GOSR2: variants seen among roughly 807,000 people sequenced by gnomAD.
The protein encoded by GOSR2 is golgi SNAP receptor complex member 2, also known as 27 kDa Golgi SNARE protein.
Under a neutral mutation model 27.9 loss-of-function variants are expected in GOSR2, and 20 were observed. The ratio of observed to expected loss-of-function variants is 0.72; its 90% CI spans 0.50 to 1.04. The LOEUF (loss-of-function observed/expected upper bound fraction) is 1.04, where lower values mean the gene tolerates loss of function less well. Among genes scored for constraint, GOSR2 ranks in the 50% least tolerant of loss-of-function variants. The pLI, the probability that GOSR2 is intolerant of heterozygous loss-of-function variation, is 0.00. For missense variants in GOSR2, 261 were observed against 270.5 expected, an observed-to-expected ratio of 0.97 and a Z score of 0.25; for synonymous variants, 91 against 98.8, an observed-to-expected ratio of 0.92 and a Z score of 0.47.
chr17:46,945,573 G>C (rs556154634), downstream of GOSR2, among the ~76,000 whole-genome samples: 1 of 152,166 alleles, frequency 6.6e-6, no homozygotes, highest in African/African-American at 2.4e-5. Context: ...TCTTTGCTGG[G>C]TGGTAACTCA....
At chr17:46,925,530 G>A (rs2086368748) in intron 1 of GOSR2, among the ~76,000 whole-genome samples, 1 of 152,174 alleles carries the variant, frequency 6.6e-6, no homozygotes, top group South Asian at 2.1e-4. Flanking sequence ...TTCCTCATCT[G>A]TAGAATGATA....
intron 1 of GOSR2, among the ~76,000 whole-genome samples, chr17:46,927,912 C>T (rs1225270235): frequency 1.3e-5 from 2 of 152,206 alleles, no homozygotes; most frequent in African/African-American, 4.8e-5. Flanking sequence ...TCTGTTAAAT[C>T]AGCATTGAAA....
downstream of GOSR2, among the ~76,000 whole-genome samples, chr17:46,942,502 G>A (rs571131935): frequency 3.9e-5 from 6 of 152,364 alleles, no homozygotes; most frequent in African/African-American, 1.4e-4. Flanking sequence ...CACACTTCTC[G>A]TGGGGTGCTC....
rs184284584 is a variant in GOSR2 at position 46,949,997 on chromosome 17, T to C, written c.583+11293T>C. Among the ~76,000 whole-genome samples, 37 of 152,338 alleles carry C rather than the reference T, an allele frequency of 2.4e-4. 1 individual carries two copies. Among genetic ancestry groups the C allele is most frequent in the Admixed American group, 2.2e-3 (33 of 15,306 alleles). ...GCACACAGTAGGCACTTCATAAATATTGATTGAAATTGGAGTGAGCAGTGT... is the reference window on the plus strand; with the variant it reads ...GCACACAGTAGGCACTTCATAAATACTGATTGAAATTGGAGTGAGCAGTGT... On this transcript the variant is annotated intron_variant, in intron 6 of 6. Coordinates refer to the GOSR2 transcript ENST00000573224.
At chr17:46,950,788 T>C (rs562885640) in intron 6 of GOSR2, among the ~76,000 whole-genome samples, 9 of 152,054 alleles carry the variant, frequency 5.9e-5, no homozygotes, top group Admixed American at 5.9e-4. Flanking sequence ...GCTGATGAGA[T>C]CAAAACTGTC....
rs2089003947 is a variant in GOSR2, at chr17:46,939,806, T to C, written c.*1046T>C. On this transcript the variant is annotated 3_prime_UTR_variant, in exon 6 of 6. Coordinates refer to ENST00000640051, the MANE Select transcript of GOSR2 (RefSeq NM_004287.5). ...TCTGTGACCAGCCCCGGATTCAGGC[T>C]GTACTAATACCAGGTATATTGTGGA... is the stretch of plus-strand genomic sequence containing the variant. 1 of 987,632 alleles carries C rather than the reference T, an allele frequency of 1.0e-6. No individual in the cohort carries two copies. Among genetic ancestry groups the C allele is most frequent in the South Asian group, 4.7e-5 (1 of 21,500 alleles). The allele number at this position is 987,632 out of a possible 1,614,324, so 61.2% of individuals were successfully genotyped here.
In GOSR2 at chr17:46,939,794, C is replaced by A; in HGVS notation, c.*1034C>A. On this transcript the variant is annotated 3_prime_UTR_variant, in exon 6 of 6. Coordinates refer to ENST00000640051, the MANE Select transcript of GOSR2 (RefSeq NM_004287.5). The stretch of plus-strand genomic sequence containing the variant: ...AACCTTTTTCCTTCTGTGACCAGCC[C>A]CGGATTCAGGCTGTACTAATACCAG... 1.0e-6 allele frequency: 1 copy of A among 987,392 alleles called. No individual in the cohort carries two copies. Among genetic ancestry groups the A allele is most frequent in the Non-Finnish European group, 1.2e-6 (1 of 831,154 alleles). The allele number at this position is 987,392 out of a possible 1,614,324, so 61.2% of individuals were successfully genotyped here.
At chr17:46,936,008 C>G (rs966891451) in intron 5 of GOSR2, 11 of 985,670 alleles carry the variant, frequency 1.1e-5, no homozygotes, top group Non-Finnish European at 1.3e-5. Flanking sequence ...TTGAGTCTGT[C>G]AGCTCCACAG....
At position 46,940,698 on chromosome 17, in the gene GOSR2, C is replaced by T. The variant is rs1180829314; in HGVS notation, c.*1938C>T. On this transcript the variant is annotated 3_prime_UTR_variant, in exon 6 of 6. Coordinates refer to ENST00000640051, the MANE Select transcript of GOSR2 (RefSeq NM_004287.5). ...TAGGACATCTTTTCGTGGTGTGCAC[C>T]AGTGCTTTCCACACTTGACAGTGGT... 2.5e-6 allele frequency: 4 copies of T among 1,608,282 alleles called. No homozygotes were observed. Among genetic ancestry groups the T allele is most frequent in the African/African-American group, 2.7e-5 (2 of 74,890 alleles).
chr17:46,932,352 C>T (rs1278362834), intron 4 of GOSR2, 153 bp downstream of exon 4: 2 of 819,192 alleles, frequency 2.4e-6, no homozygotes, highest in African/African-American at 3.4e-5. Context: ...TGCATTGCCA[C>T]AGAGACTAGA....
chr17:46,929,505 CT>C lies in GOSR2; in HGVS notation c.30-14del. On this transcript the variant is annotated splice_polypyrimidine_tract_variant and intron_variant, in intron 1 of 5. Coordinates refer to ENST00000640051, the MANE Select transcript of GOSR2 (RefSeq NM_004287.5). ...TACTCCTGTCTCACTCATTTCCTCC[CT>C]CTTCCTTTGATAGGCAGGTCCACGA... The C allele has an allele frequency of 6.9e-7, 1 of 1,443,200 alleles. No homozygotes were observed. Among genetic ancestry groups the C allele is most frequent in the Non-Finnish European group, 9.8e-7 (1 of 1,024,224 alleles). 89.4% of individuals were successfully genotyped at this position (1,443,200 alleles called of 1,614,324 possible).
intron 6 of GOSR2, among the ~76,000 whole-genome samples, chr17:46,949,539 T>A (rs962062073): frequency 2.6e-5 from 4 of 152,114 alleles, no homozygotes; most frequent in Non-Finnish European, 4.4e-5. Flanking sequence ...TGGGATGGAA[T>A]TGACACGGTG....
downstream of GOSR2, chr17:46,968,718 A>G (rs750267797): frequency 6.6e-6 from 1 of 152,432 alleles, no homozygotes; most frequent in African/African-American, 2.4e-5. Flanking sequence ...GCACCTCTAC[A>G]ATGGCCATGC....
At chr17:46,974,586 T>A (rs1390488669) in intron 6 of GOSR2, among the ~76,000 whole-genome samples, 2 of 151,968 alleles carry the variant, frequency 1.3e-5, no homozygotes, top group African/African-American at 2.4e-5. Flanking sequence ...TACAAAAAAT[T>A]AGCTGGGCGT....
At chr17:46,931,582 G>A (rs2087391111) in intron 3 of GOSR2, 2 of 322,776 alleles carry the variant, frequency 6.2e-6, no homozygotes, top group Non-Finnish European at 1.2e-5. Flanking sequence ...ACTTCAATCA[G>A]TCCACCCATA....
At chr17:46,975,178 C>T (rs1007062852) in intron 6 of GOSR2, 1 of 152,044 alleles carries the variant, frequency 6.6e-6, no homozygotes, top group East Asian at 1.9e-4. Context: ...CTATGGGTCC[C>T]CTATCGCTCC....
Position 46,931,114 on chromosome 17 carries a change from T to C in GOSR2, c.110T>C (p.Ile37Thr). The change falls in exon 3 of 6, where the codon ATC becomes ACC. Residue 37 changes from isoleucine (I) to threonine (T), a missense_variant. Transcript: ENST00000640051. ...TTTTGTACAGTAGTAGAAAACGAAA[T>C]CCAAGCAAGCATAGACCAGATATTC... ...KQSVHIVENE[I>T]QASIDQIFSR... is the part of the protein sequence containing the mutation. 5.0e-6 allele frequency: 8 copies of C among 1,595,988 alleles called. No individual in the cohort carries two copies. Among genetic ancestry groups the C allele is most frequent in the Non-Finnish European group, 6.9e-6 (8 of 1,163,772 alleles).
chr17:46,952,452 G>C (rs2090432042), intron 6 of GOSR2, among the ~76,000 whole-genome samples: 1 of 152,174 alleles, frequency 6.6e-6, no homozygotes, highest in Non-Finnish European at 1.5e-5. Flanking sequence ...CACTTTTGTT[G>C]ATCTAGCAAG....
At position 46,941,033 on chromosome 17, in the gene GOSR2, G is replaced by T. The variant is rs778733242; in HGVS notation, c.*2273G>T. ...GGAGGCGGGGGTGAATTCTTAGGTC[G>T]AGCTGATGCAAGAAACTCCGGTAGC... On this transcript the variant is annotated 3_prime_UTR_variant, in exon 6 of 6. Coordinates refer to ENST00000640051, the MANE Select transcript of GOSR2 (RefSeq NM_004287.5). 12 of 1,093,106 alleles carry T rather than the reference G, an allele frequency of 1.1e-5. No individual in the cohort carries two copies. The highest frequency in any genetic ancestry group is 1.3e-5 in the Non-Finnish European group (12 of 893,464). 67.7% of individuals were successfully genotyped at this position (1,093,106 alleles called of 1,614,324 possible).
Sources: allele counts gnomAD v4.1 joint callset (sites outside exome capture counted in the v4.1 genomes callset), GRCh38; gene constraint gnomAD v4.1.1; transcripts MANE v1.5; gene names NCBI Gene and HGNC (gene_info 2026-07-23, HGNC 2026-07-21).